The following ROBO2 variants were observed in gnomAD, a reference collection of about 807,000 sequenced individuals.
ROBO2 encodes roundabout homolog 2.
Under a neutral mutation model 160.8 loss-of-function variants are expected in ROBO2, and 53 were observed. That is an observed-to-expected ratio of 0.33 (90% CI 0.26 to 0.41). The LOEUF is 0.41. Among genes scored for constraint, ROBO2 ranks in the 10% least tolerant of loss-of-function variants. The pLI, the probability that ROBO2 is intolerant of heterozygous loss-of-function variation, is 1.00. For synonymous variants in ROBO2, 664 were observed against 611.7 expected, an observed-to-expected ratio of 1.09 and a Z score of -1.26; for missense variants, 1,577 against 1,722.4, an observed-to-expected ratio of 0.92 and a Z score of 1.49.
chr3:76,082,156 G>A (rs773729369), intron 2 of ROBO2, among the ~76,000 whole-genome samples: 3 of 152,112 alleles, frequency 2.0e-5, no homozygotes, highest in Non-Finnish European at 2.9e-5. Context: ...TAAAAGGTAA[G>A]AAATTTCAAT....
chr3:76,231,685 T>G (rs1394161189), intron 2 of ROBO2, among the ~76,000 whole-genome samples: 1 of 152,212 alleles, frequency 6.6e-6, no homozygotes, highest in African/African-American at 2.4e-5. Context: ...ACTTACTACA[T>G]GTAAGAATGT....
intron 2 of ROBO2, among the ~76,000 whole-genome samples, chr3:77,170,399 G>A (rs1003355570): frequency 1.3e-5 from 2 of 151,858 alleles, no homozygotes; most frequent in Admixed American, 6.6e-5. Flanking sequence ...TTGCATTTAG[G>A]TGGCTTATAA....
chr3:76,172,880 T>G (rs994205622), intron 2 of ROBO2, among the ~76,000 whole-genome samples: 2 of 152,022 alleles, frequency 1.3e-5, no homozygotes, highest in African/African-American at 4.8e-5. Flanking sequence ...CCACCTGAAT[T>G]AATGTGCAAA....
chr3:75,915,290 C>T (rs1169013472), intron 1 of ROBO2, among the ~76,000 whole-genome samples: 1 of 152,226 alleles, frequency 6.6e-6, no homozygotes, highest in African/African-American at 2.4e-5. Context: ...AAGACTAACT[C>T]ATTCAAAAAT....
chr3:76,453,242 T>G (rs2077568230), intron 2 of ROBO2, among the ~76,000 whole-genome samples: 1 of 152,254 alleles, frequency 6.6e-6, no homozygotes, highest in African/African-American at 2.4e-5. Context: ...AGACATGAAG[T>G]CCTTGTCCAT....
chr3:76,870,011 C>T (rs1490155328), intron 2 of ROBO2, among the ~76,000 whole-genome samples: 1 of 152,134 alleles, frequency 6.6e-6, no homozygotes, highest in African/African-American at 2.4e-5. Flanking sequence ...CCCCAAATCA[C>T]ATAATACACC....
chr3:76,142,955 T>TAAA (rs1212055045), intron 2 of ROBO2, among the ~76,000 whole-genome samples: 1 of 151,794 alleles, frequency 6.6e-6, no homozygotes, highest in African/African-American at 2.4e-5. Flanking sequence ...AAAATAAAAA[T>TAAA]AAAAATAAAT....
chr3:76,218,700 G>T (rs1703738060), intron 2 of ROBO2, among the ~76,000 whole-genome samples: 2 of 152,130 alleles, frequency 1.3e-5, no homozygotes, highest in Admixed American at 1.3e-4. Context: ...CATGCTCATG[G>T]GTAGGAAGAC....
chr3:77,563,490 T>A (rs1037715647), intron 11 of ROBO2, among the ~76,000 whole-genome samples, 161 bp downstream of exon 12: 2 of 152,188 alleles, frequency 1.3e-5, no homozygotes, highest in Non-Finnish European at 2.9e-5. Context: ...AGAGTTAATT[T>A]TTTTTAGTTT....
intron 2 of ROBO2, among the ~76,000 whole-genome samples, chr3:76,592,125 G>A (rs1016844919): frequency 6.6e-6 from 1 of 152,014 alleles, no homozygotes; most frequent in African/African-American, 2.4e-5. Flanking sequence ...CTAAAACTGT[G>A]AAAGTACCTG....
intron 2 of ROBO2, among the ~76,000 whole-genome samples, chr3:77,356,515 A>T (rs1256403316): frequency 6.6e-6 from 1 of 152,068 alleles, no homozygotes; most frequent in African/African-American, 2.4e-5. Flanking sequence ...ACGAAAAGAA[A>T]TACATTTTTC....
chr3:76,175,230 G>A (rs927906336), intron 2 of ROBO2, among the ~76,000 whole-genome samples: 16 of 152,130 alleles, frequency 1.1e-4, no homozygotes, highest in African/African-American at 3.9e-4. Flanking sequence ...AAACTTTGCT[G>A]AAGTTGTTTA....
intron 2 of ROBO2, among the ~76,000 whole-genome samples, chr3:76,568,087 TTGCAGGCATAAGCCAC>T (rs1380762525): frequency 2.6e-5 from 4 of 151,812 alleles, no homozygotes; most frequent in African/African-American, 9.7e-5. Context: ...AGTGCTGGGA[TTGCAGGCATAAGCCAC>T]TGCACCCTGC....
At chr3:76,123,805 C>A (rs931582511) in intron 2 of ROBO2, among the ~76,000 whole-genome samples, 1 of 152,234 alleles carries the variant, frequency 6.6e-6, no homozygotes, top group East Asian at 1.9e-4. Flanking sequence ...TTTCTTCCTA[C>A]ACCTTGATCC....
At chr3:77,566,735 A>G (rs1002456207) in intron 12 of ROBO2, among the ~76,000 whole-genome samples, 1 of 152,060 alleles carries the variant, frequency 6.6e-6, no homozygotes, top group African/African-American at 2.4e-5. Context: ...GTTTGTTCCA[A>G]TGGAAAGAAT....
chr3:76,872,919 A>G (rs966662759), intron 2 of ROBO2, among the ~76,000 whole-genome samples: 4 of 152,170 alleles, frequency 2.6e-5, no homozygotes, highest in Non-Finnish European at 5.9e-5. Context: ...AGCAGTAGAA[A>G]CATGAAGATC....
At chr3:76,383,441 G>C (rs1296001915) in intron 2 of ROBO2, among the ~76,000 whole-genome samples, 1 of 152,086 alleles carries the variant, frequency 6.6e-6, no homozygotes, top group Non-Finnish European at 1.5e-5. Flanking sequence ...TGATGCTTAT[G>C]GTACTGTTAA....
chr3:77,628,745 G>T (rs2095091830), intron 23 of ROBO2, among the ~76,000 whole-genome samples: 1 of 152,182 alleles, frequency 6.6e-6, no homozygotes, highest in African/African-American at 2.4e-5. Context: ...GAGAAGGAGA[G>T]AGAAAATTTC....
chr3:75,953,486 T>C (rs1331957464), intron 2 of ROBO2, among the ~76,000 whole-genome samples: 1 of 151,974 alleles, frequency 6.6e-6, no homozygotes, highest in African/African-American at 2.4e-5. Context: ...TTATCTGACA[T>C]GTGTTTTGAA....
Sources: gnomAD v4.1 joint callset for allele counts (sites outside exome capture counted in the v4.1 genomes callset) on GRCh38, gnomAD v4.1.1 for gene constraint, MANE v1.5 for transcripts, NCBI Gene and HGNC (gene_info 2026-07-23, HGNC 2026-07-21) for gene names.